The following RGS14 variants were observed in gnomAD, a reference collection of about 807,000 sequenced individuals.
RGS14 encodes regulator of G-protein signaling 14.
Under a neutral mutation model 63.8 loss-of-function variants are expected in RGS14, and 33 were observed. That is an observed-to-expected ratio of 0.52 (90% confidence interval 0.39 to 0.69). The LOEUF is 0.69. RGS14 is among the 30% of genes least tolerant of loss of function. The pLI, the probability that RGS14 is intolerant of heterozygous loss-of-function variation, is 0.00. For missense variants in RGS14, 739 were observed against 742.9 expected, an observed-to-expected ratio of 0.99 and a Z score of 0.06; for synonymous variants, 296 against 320.9, an observed-to-expected ratio of 0.92 and a Z score of 0.83.
chr5:177,367,551 G>T lies in RGS14; in HGVS notation c.621G>T (p.Thr207=). The change falls in exon 6 of 15, where the codon ACG becomes ACT. Residue 207 remains threonine, a synonymous_variant. Coordinates refer to ENST00000408923, the MANE Select transcript of RGS14 (RefSeq NM_006480.5). ...GSSRLGSPDA[T]RKKPKLKPGK... is the part of the protein sequence containing the mutation. ...CGCGCCTCGGCAGCCCTGACGCCAC[G>T]AGGAAGGTGCGTGGGACTGGGCGAG... 1 of 1,609,164 alleles carries T rather than the reference G, an allele frequency of 6.2e-7. No individual in the cohort carries two copies. Among genetic ancestry groups the T allele is most frequent in the East Asian group, 2.2e-5 (1 of 44,696 alleles).
Position 177,368,282 on chromosome 5 carries a change from G to A in RGS14, c.849+16G>A. On this transcript the variant is annotated intron_variant, in intron 8 of 14. Transcript: ENST00000408923. ...CAAATCTGAGGTGAGCCGACTGTTG[G>A]GGAAGACAAGATGCTCTATGGGCTA... 1 of 1,603,020 alleles carries A rather than the reference G, an allele frequency of 6.2e-7. No homozygotes were observed.
intron 1 of RGS14, among the ~76,000 whole-genome samples, chr5:177,362,346 G>A (rs1475629340): frequency 2.6e-5 from 4 of 152,196 alleles, no homozygotes; most frequent in Admixed American, 2.6e-4. Context: ...GCCAAGGCCA[G>A]GGTCCTGATG....
intron 5 of RGS14, 92 bp downstream of exon 5, chr5:177,367,126 G>A (rs1762117717): frequency 1.4e-6 from 2 of 1,480,800 alleles, no homozygotes; most frequent in South Asian, 2.6e-5. Flanking sequence ...CTACAAAGCG[G>A]AGGGGGCAAA....
chr5:177,367,751 G>A lies in RGS14; in HGVS notation c.665G>A (p.Gly222Asp), dbSNP rs754019369. The change falls in exon 7 of 15, where the codon GGT (glycine) becomes GAT (aspartate). Residue 222 changes from glycine to aspartate, a missense_variant. Physicochemically the swap from Gly to Asp is moderately conservative, Grantham distance 94 (BLOSUM62 -1). Coordinates refer to ENST00000408923, the MANE Select transcript of RGS14 (RefSeq NM_006480.5). ...KLKPGKSLPLGVEELGQLPPV... is the reference protein window; with the variant it reads ...KLKPGKSLPLDVEELGQLPPV... ...AAGCCCGGGAAGTCGCTGCCGCTGGGTGTGGAGGAGTTGGGGCAGCTGCCA... is the reference window on the plus strand; with the variant it reads ...AAGCCCGGGAAGTCGCTGCCGCTGGATGTGGAGGAGTTGGGGCAGCTGCCA... The A allele has an allele frequency of 2.5e-5, 41 of 1,613,224 alleles. No homozygotes were observed. The highest frequency in any genetic ancestry group is 3.3e-5 in the Non-Finnish European group (39 of 1,179,820).
intron 9 of RGS14, among the ~76,000 whole-genome samples, chr5:177,370,239 A>C (rs1762204508): frequency 6.6e-6 from 1 of 152,234 alleles, no homozygotes; most frequent in Non-Finnish European, 1.5e-5. Context: ...GACACGAGAC[A>C]GCTGTCCTGG....
In RGS14 at chr5:177,371,820, T is replaced by C. The variant is rs532544300; in HGVS notation, c.1499-53T>C. ...GTAAGGCAGTGGGACTATCGTGGGC[T>C]GGCATATAGGCAGGTCTGCTGGGGG... On this transcript the variant is annotated intron_variant, in intron 14 of 14. Coordinates refer to ENST00000408923, the MANE Select transcript of RGS14 (RefSeq NM_006480.5). This position sits in a 1 kb window ranked among gnomAD's most constrained non-coding sequence, Gnocchi z 6.1. 82 of 1,549,258 alleles carry C rather than the reference T, an allele frequency of 5.3e-5. 2 individuals carry two copies. The South Asian group carries it at 9.4e-4, about 18-fold the overall frequency.
Position 177,368,185 on chromosome 5 carries a change from G to GCGC in RGS14, c.771_773dup (p.Arg258dup), listed in dbSNP as rs1762151941. The GCGC allele has an allele frequency of 6.2e-7, 1 of 1,613,734 alleles. No homozygotes were observed. The highest frequency in any genetic ancestry group is 8.5e-7 in the Non-Finnish European group (1 of 1,179,942). On this transcript the variant is annotated inframe_insertion, in exon 8 of 15. Transcript: ENST00000408923. ...TGGGCGGGACTGCAAACGCCGCCTT[G>GCGC]CGCCGAGAGTCTCAGGGCTCCCTCA... is the stretch of plus-strand genomic sequence containing the variant.
At chr5:177,370,431 A>C in intron 9 of RGS14, 160 bp from the exon 10 acceptor site, 1 of 634,670 alleles carries the variant, frequency 1.6e-6, no homozygotes, top group Non-Finnish European at 2.8e-6. Flanking sequence ...CCAGCTTGGT[A>C]CCTTAACCCA....
rs1762165748 is a variant in RGS14, at chr5:177,368,634, A to G, written c.850-83A>G. 11 of 1,426,500 alleles carry G rather than the reference A, an allele frequency of 7.7e-6. No individual in the cohort carries two copies. The South Asian group carries it at 1.3e-4, about 17-fold the overall frequency. The allele number at this position is 1,426,500 out of a possible 1,614,324, so 88.4% of individuals were successfully genotyped here. ...GAGTGCGTGTGCATGCTTGAGCCCC[A>G]GCAAGCTTACCTATCTCTGTGTACC... is the stretch of plus-strand genomic sequence containing the variant. On this transcript the variant is annotated intron_variant, in intron 8 of 14. Transcript: ENST00000408923.
chr5:177,368,312 C>T, intron 8 of RGS14, 46 bp downstream of exon 8: 1 of 1,556,368 alleles, frequency 6.4e-7, no homozygotes, highest in Non-Finnish European at 8.7e-7. Flanking sequence ...GGGCTAGAGT[C>T]ACTACTCAGG....
chr5:177,365,296 G>A (rs527483077), intron 1 of RGS14, among the ~76,000 whole-genome samples: 1 of 152,148 alleles, frequency 6.6e-6, no homozygotes, highest in South Asian at 2.1e-4. Flanking sequence ...GGGTTCAAGC[G>A]ATTCTCCTGC....
intron 2 of RGS14, 72 bp from the exon 3 acceptor site, chr5:177,366,105 G>A (rs1285373116): frequency 3.2e-5 from 51 of 1,601,662 alleles, no homozygotes; most frequent in Non-Finnish European, 3.0e-5. Flanking sequence ...GTGGATGCAT[G>A]GGGGAGGGTG....
Position 177,371,058 on chromosome 5 carries a change from C to A in RGS14, c.1254+27C>A. ...TGAGCTTCCGGGCCGCGGGGCGGGG[C>A]GGGGCGGGGCCGGGCCGGGGCCGGG... On this transcript the variant is annotated intron_variant, in intron 11 of 14. Coordinates refer to ENST00000408923, the MANE Select transcript of RGS14 (RefSeq NM_006480.5). The surrounding 1 kb of genome is among the most constrained non-coding windows in gnomAD (Gnocchi z 6.1). The A allele has an allele frequency of 1.0e-6, 1 of 1,000,556 alleles. No homozygotes were observed. The highest frequency in any genetic ancestry group is 5.1e-5 in the East Asian group (1 of 19,510). The allele number at this position is 1,000,556 out of a possible 1,614,324, so 62.0% of individuals were successfully genotyped here. A position where few individuals can be genotyped will look rare whatever the true frequency, so the allele number is the denominator to read the frequency against.
intron 3 of RGS14, 58 bp downstream of exon 3, chr5:177,366,413 G>C: frequency 6.9e-7 from 1 of 1,445,788 alleles, no homozygotes. Context: ...GGCGTGGATG[G>C]AGCTTCAGGC....
intron 1 of RGS14, among the ~76,000 whole-genome samples, chr5:177,361,877 C>T (rs1406039843): frequency 6.6e-6 from 1 of 152,182 alleles, no homozygotes; most frequent in Non-Finnish European, 1.5e-5. Flanking sequence ...TCCCCTTTTT[C>T]TCCATTCACT....
intron 1 of RGS14, among the ~76,000 whole-genome samples, chr5:177,363,709 A>G (rs1394422745): frequency 1.3e-5 from 2 of 152,178 alleles, no homozygotes; most frequent in Admixed American, 6.5e-5. Context: ...AGTCAGGACC[A>G]TTATTTGCTC....
At chr5:177,362,164 C>T (rs1761980819) in intron 1 of RGS14, among the ~76,000 whole-genome samples, 1 of 152,214 alleles carries the variant, frequency 6.6e-6, no homozygotes, top group Non-Finnish European at 1.5e-5. Flanking sequence ...TTACTTGTTC[C>T]CGAATAGCAG....
At chr5:177,361,438 C>T (rs1006312179) in intron 1 of RGS14, among the ~76,000 whole-genome samples, 1 of 152,136 alleles carries the variant, frequency 6.6e-6, no homozygotes, top group African/African-American at 2.4e-5. Context: ...TTAGACTTGC[C>T]CACCTGTGCC....
intron 9 of RGS14, 160 bp downstream of exon 9, chr5:177,369,080 A>AC (rs1279365872): frequency 4.5e-6 from 3 of 663,584 alleles, no homozygotes; most frequent in Non-Finnish European, 8.0e-6. Context: ...ACATCCACCC[A>AC]CCCCCCACCT....
Sources: gnomAD v4.1 joint callset for allele counts (sites outside exome capture counted in the v4.1 genomes callset) on GRCh38, gnomAD v4.1.1 for gene constraint, Gnocchi (gnomAD v3.1) non-coding constraint, MANE v1.5 for transcripts, NCBI Gene and HGNC (gene_info 2026-07-23, HGNC 2026-07-21) for gene names.